The following TTC21A variants were observed in gnomAD, a reference collection of about 807,000 sequenced individuals.
TTC21A encodes tetratricopeptide repeat protein 21A.
In TTC21A, 128 loss-of-function variants were observed where a neutral mutation model predicts 156.4. That is an observed-to-expected ratio of 0.82 (90% confidence interval 0.71 to 0.95). The LOEUF (loss-of-function observed/expected upper bound fraction) is 0.95. Ranked by LOEUF, TTC21A falls within the 40% of genes least tolerant of loss-of-function variation. TTC21A has a pLI of 0.00. For missense variants in TTC21A, 1,435 were observed against 1,602.3 expected, an observed-to-expected ratio of 0.90 and a Z score of 1.78; for synonymous variants, 587 against 617.1, an observed-to-expected ratio of 0.95 and a Z score of 0.72.
Position 39,130,438 on chromosome 3 carries a change from C to G in TTC21A, c.2319+80C>G. ...AGGAGGACGGTACATGACTGGGGAG[C>G]TCTGGGTGGGAGGAGAGTGGCTGAC... On this transcript the variant is annotated intron_variant, in intron 17 of 28. Transcript: ENST00000683103. The surrounding 1 kb of genome is among the most constrained non-coding windows in gnomAD (Gnocchi z 4.5). 1 of 1,218,980 alleles carries G rather than the reference C, an allele frequency of 8.2e-7. No individual in the cohort carries two copies. Among genetic ancestry groups the G allele is most frequent in the Non-Finnish European group, 1.2e-6 (1 of 868,458 alleles). The allele number at this position is 1,218,980 out of a possible 1,614,324, so 75.5% of individuals were successfully genotyped here. A position where few individuals can be genotyped will look rare whatever the true frequency, so the allele number is the denominator to read the frequency against.
chr3:39,128,786 G>C lies in TTC21A; in HGVS notation c.1750G>C (p.Ala584Pro). 1 of 1,614,162 alleles carries C rather than the reference G, an allele frequency of 6.2e-7. No individual in the cohort carries two copies. Among genetic ancestry groups the C allele is most frequent in the Non-Finnish European group, 8.5e-7 (1 of 1,180,034 alleles). ...CAACAAGGCTGGAGACTATCCAGAG[G>C]CCATAAAGACGCTGAAAATGGTCAT... ...ALNKAGDYPE[A>P]IKTLKMVIKL... The change falls in exon 14 of 29, where the codon GCC becomes CCC. Residue 584 changes from alanine (A) to proline (P), a missense_variant. Transcript: ENST00000683103.
intron 6 of TTC21A, among the ~76,000 whole-genome samples, chr3:39,116,264 C>T (rs1222870491): frequency 1.3e-5 from 2 of 152,202 alleles, no homozygotes; most frequent in Non-Finnish European, 2.9e-5. Flanking sequence ...TAAAACTCTG[C>T]TCTGTAAAGA....
chr3:39,128,980 G>T (rs1254248703), intron 14 of TTC21A, 48 bp downstream of exon 14: 1 of 1,608,984 alleles, frequency 6.2e-7, no homozygotes, highest in East Asian at 2.2e-5. Flanking sequence ...CACACTGGAG[G>T]CTCAGGGTAG....
Position 39,134,536 on chromosome 3 carries a change from A to C in TTC21A, c.2862+208A>C. On this transcript the variant is annotated intron_variant, in intron 21 of 28. Transcript: ENST00000683103. This position sits in a 1 kb window ranked among gnomAD's most constrained non-coding sequence, Gnocchi z 4.6. Reference sequence around the variant, plus strand: ...GGCTGGCTGGCAGTGGGCAGCATCAATCTCCTGGGCCAGTCTAAGGTGGGG... The same window carrying C: ...GGCTGGCTGGCAGTGGGCAGCATCACTCTCCTGGGCCAGTCTAAGGTGGGG... The C allele has an allele frequency of 6.2e-6, 4 of 643,928 alleles. No homozygotes were observed. Among genetic ancestry groups the C allele is most frequent in the Non-Finnish European group, 1.1e-5 (4 of 350,626 alleles). 39.9% of individuals were successfully genotyped at this position (643,928 alleles called of 1,614,324 possible). A position where few individuals can be genotyped will look rare whatever the true frequency, so the allele number is the denominator to read the frequency against.
In TTC21A at chr3:39,137,339, T is replaced by C. The variant is rs2039206756; in HGVS notation, c.3402T>C (p.Ala1134=). Residue 1134 remains alanine, a synonymous_variant, in exon 25 of 29, where the codon GCT becomes GCC. Coordinates refer to ENST00000683103, the MANE Select transcript of TTC21A (RefSeq NM_001366900.1). ...GLCRLATREK[A]NMEAALGSFI... ...GCCGGCTGGCCACCAGGGAGAAGGC[T>C]AACATGGAGGCTGCGCTGGGCAGCT... 6.2e-7 allele frequency: 1 copy of C among 1,613,840 alleles called. No individual in the cohort carries two copies. The highest frequency in any genetic ancestry group is 8.5e-7 in the Non-Finnish European group (1 of 1,179,886).
At chr3:39,131,644 C>G (rs784488) in intron 19 of TTC21A, 82,899 of 152,568 alleles carry the variant, frequency 0.54, 25,573 homozygotes, top group East Asian at 0.72. Context: ...GGAGCCACAT[C>G]TGGTGAGATC....
chr3:39,110,949 A>T lies in TTC21A; in HGVS notation c.367A>T (p.Ile123Leu). The change falls in exon 4 of 29, where the codon ATA becomes TTA. Residue 123 changes from isoleucine (I) to leucine (L), a missense_variant. Coordinates refer to ENST00000683103, the MANE Select transcript of TTC21A (RefSeq NM_001366900.1). ...LYYAGLFLWL[I>L]GRHDKAKEYI... ...CTATGCTGGCCTTTTCCTCTGGCTCATAGGCCGCCATGACAAGGCCAAAGA... is the reference window on the plus strand; with the variant it reads ...CTATGCTGGCCTTTTCCTCTGGCTCTTAGGCCGCCATGACAAGGCCAAAGA... 6.2e-7 allele frequency: 1 copy of T among 1,614,012 alleles called. No homozygotes were observed. Among genetic ancestry groups the T allele is most frequent in the East Asian group, 2.2e-5 (1 of 44,888 alleles).
chr3:39,134,133 T>C lies in TTC21A; in HGVS notation c.2752-85T>C. On this transcript the variant is annotated intron_variant, in intron 20 of 28. Coordinates refer to ENST00000683103, the MANE Select transcript of TTC21A (RefSeq NM_001366900.1). This position sits in a 1 kb window ranked among gnomAD's most constrained non-coding sequence, Gnocchi z 4.6. ...GAAGGCAGAGCTGATAGAAGTGGGG[T>C]GTGAGGGAAAGAGCTGTCAAGGATA... is the stretch of plus-strand genomic sequence containing the variant. The C allele has an allele frequency of 1.2e-6, 1 of 814,274 alleles. No homozygotes were observed. Among genetic ancestry groups the C allele is most frequent in the Non-Finnish European group, 2.2e-6 (1 of 463,984 alleles). The allele number at this position is 814,274 out of a possible 1,614,324, so 50.4% of individuals were successfully genotyped here.
rs188233927 is a variant in TTC21A at position 39,117,784 on chromosome 3, G to A, written c.717-285G>A. On this transcript the variant is annotated intron_variant, in intron 6 of 28. Transcript: ENST00000683103. ...TTCCATACAGTAGGCAGGAGGAAAGGGGGGAAAGGGAAGGCATGCTGGTAG... is the reference window on the plus strand; with the variant it reads ...TTCCATACAGTAGGCAGGAGGAAAGAGGGGAAAGGGAAGGCATGCTGGTAG... Among the ~76,000 whole-genome samples, 61 of 152,290 alleles carry A rather than the reference G, an allele frequency of 4.0e-4. 3 individuals are homozygous for A. Among genetic ancestry groups the A allele is most frequent in the Admixed American group, 3.7e-3 (56 of 15,290 alleles).
intron 9 of TTC21A, among the ~76,000 whole-genome samples, chr3:39,121,563 C>G (rs2037770606): frequency 6.6e-6 from 1 of 152,222 alleles, no homozygotes; most frequent in Non-Finnish European, 1.5e-5. Flanking sequence ...TCTAGATTCA[C>G]CTCTGTAGAC....
At position 39,125,503 on chromosome 3, in the gene TTC21A, A is replaced by G. The variant is rs980551484; in HGVS notation, c.1363A>G (p.Lys455Glu). 11 of 1,613,678 alleles carry G rather than the reference A, an allele frequency of 6.8e-6. No individual in the cohort carries two copies. Among genetic ancestry groups the G allele is most frequent in the Non-Finnish European group, 8.5e-6 (10 of 1,179,716 alleles). The change falls in exon 11 of 29, where the codon AAG (lysine) becomes GAG (glutamate). Residue 455 changes from lysine to glutamate, a missense_variant. Lys to Glu is a moderately conservative substitution (Grantham distance 56). Coordinates refer to ENST00000683103, the MANE Select transcript of TTC21A (RefSeq NM_001366900.1). Reference sequence around the variant, plus strand: ...CCCGTACTTCCTGGTCTGCATTGCTAAGGAGTACTTGCTCTTCTGCCCCAA... The same window carrying G: ...CCCGTACTTCCTGGTCTGCATTGCTGAGGAGTACTTGCTCTTCTGCCCCAA... ...LDPYFLVCIA[K>E]EYLLFCPKQP...
rs1197802091 is a variant in TTC21A, at chr3:39,130,470, C to T, written c.2319+112C>T. 2.0e-6 allele frequency: 2 copies of T among 983,156 alleles called. No individual in the cohort carries two copies. Among genetic ancestry groups the T allele is most frequent in the African/African-American group, 1.6e-5 (1 of 61,348 alleles). The allele number at this position is 983,156 out of a possible 1,614,324, so 60.9% of individuals were successfully genotyped here. A position where few individuals can be genotyped will look rare whatever the true frequency, so the allele number is the denominator to read the frequency against. ...TGGGAGGAGAGTGGCTGACTTTTCA[C>T]TCAGCTCCTTGCTGAATGGGGTGCC... On this transcript the variant is annotated intron_variant, in intron 17 of 28. Coordinates refer to ENST00000683103, the MANE Select transcript of TTC21A (RefSeq NM_001366900.1). This position sits in a 1 kb window ranked among gnomAD's most constrained non-coding sequence, Gnocchi z 4.5.
At chr3:39,123,401 C>G (rs1238494551) in intron 9 of TTC21A, among the ~76,000 whole-genome samples, 2 of 152,150 alleles carry the variant, frequency 1.3e-5, no homozygotes, top group African/African-American at 4.8e-5. Flanking sequence ...GTAATTAAGT[C>G]CCTTTGAGGC....
chr3:39,119,693 A>G, intron 7 of TTC21A: 1 of 387,320 alleles, frequency 2.6e-6, no homozygotes, highest in Non-Finnish European at 4.6e-6. Context: ...GGGCAGTGCC[A>G]GCTCTGGGTG....
At chr3:39,121,572 A>T (rs904086326) in intron 9 of TTC21A, among the ~76,000 whole-genome samples, 1 of 152,076 alleles carries the variant, frequency 6.6e-6, no homozygotes, top group Non-Finnish European at 1.5e-5. Flanking sequence ...ACCTCTGTAG[A>T]CCCTCCTTCA....
At chr3:39,110,673 G>T (rs2036739846) in intron 3 of TTC21A, among the ~76,000 whole-genome samples, 178 bp from the exon 4 acceptor site, 1 of 152,226 alleles carries the variant, frequency 6.6e-6, no homozygotes, top group Admixed American at 6.5e-5. Flanking sequence ...CATCTCAAGG[G>T]CAGGTACTGC....
Position 39,130,785 on chromosome 3 carries a change from A to T in TTC21A, c.2404A>T (p.Lys802Ter). The T allele has an allele frequency of 1.2e-6, 2 of 1,614,236 alleles. No homozygotes were observed. Among genetic ancestry groups the T allele is most frequent in the Non-Finnish European group, 1.7e-6 (2 of 1,180,046 alleles). Reference sequence around the variant, plus strand: ...TCTGGGCAAACTGCTCCTGAAGTTAAAGAAGGTCAATAAAGCAGAAAAAGT... The same window carrying T: ...TCTGGGCAAACTGCTCCTGAAGTTATAGAAGGTCAATAAAGCAGAAAAAGT... ...CDLGKLLLKL[K>*]KVNKAEKVLK... Residue 802 changes from lysine to a stop codon, truncating the protein, a stop_gained, in exon 18 of 29, where the codon AAG (lysine) becomes TAG (stop). Coordinates refer to ENST00000683103, the MANE Select transcript of TTC21A (RefSeq NM_001366900.1). LOFTEE classifies it high-confidence loss of function. This position sits in a 1 kb window ranked among gnomAD's most constrained non-coding sequence, Gnocchi z 4.5.
Position 39,130,693 on chromosome 3 carries a change from G to T in TTC21A, c.2320-8G>T. 1 of 1,614,118 alleles carries T rather than the reference G, an allele frequency of 6.2e-7. No homozygotes were observed. The highest frequency in any genetic ancestry group is 8.5e-7 in the Non-Finnish European group (1 of 1,179,980). ...GGCCAGAGGCTAATATTTACTGTTT[G>T]CACTAAGGCAATTGAGTATTATGAG... On this transcript the variant is annotated splice_polypyrimidine_tract_variant and splice_region_variant and intron_variant, in intron 17 of 28. Coordinates refer to ENST00000683103, the MANE Select transcript of TTC21A (RefSeq NM_001366900.1). The surrounding 1 kb of genome is among the most constrained non-coding windows in gnomAD (Gnocchi z 4.5).
chr3:39,130,244 C>T lies in TTC21A; in HGVS notation c.2209-4C>T, dbSNP rs1326404606. On this transcript the variant is annotated splice_polypyrimidine_tract_variant and splice_region_variant and intron_variant, in intron 16 of 28. Coordinates refer to ENST00000683103, the MANE Select transcript of TTC21A (RefSeq NM_001366900.1). The surrounding 1 kb of genome is among the most constrained non-coding windows in gnomAD (Gnocchi z 4.5). Reference sequence around the variant, plus strand: ...GGAAGACCCAAAGACACTTTCCCCACCAGCCCGAGAAGGCCCTGGAGGTCT... The same window carrying T: ...GGAAGACCCAAAGACACTTTCCCCATCAGCCCGAGAAGGCCCTGGAGGTCT... The T allele has an allele frequency of 2.5e-6, 4 of 1,612,930 alleles. No individual in the cohort carries two copies. The highest frequency in any genetic ancestry group is 3.4e-6 in the Non-Finnish European group (4 of 1,179,312).
Sources: gnomAD v4.1 joint callset for allele counts (sites outside exome capture counted in the v4.1 genomes callset) on GRCh38, gnomAD v4.1.1 for gene constraint, Gnocchi (gnomAD v3.1) non-coding constraint, MANE v1.5 for transcripts, NCBI Gene and HGNC (gene_info 2026-07-23, HGNC 2026-07-21) for gene names.